The following ZNF740 variants were observed in gnomAD, a reference collection of about 807,000 sequenced individuals.
The protein encoded by ZNF740 is zinc finger protein 740.
In ZNF740, 14 loss-of-function variants were observed where a neutral mutation model predicts 24.8. That is an observed-to-expected ratio of 0.56 (90% CI 0.37 to 0.88). The LOEUF is 0.88. ZNF740 is among the 40% of genes least tolerant of loss of function. ZNF740 has a pLI of 0.00. For missense variants in ZNF740, 201 were observed against 247.9 expected, an observed-to-expected ratio of 0.81 and a Z score of 1.27; for synonymous variants, 69 against 84.0, an observed-to-expected ratio of 0.82 and a Z score of 0.98.
Position 53,193,947 on chromosome 12 carries a change from CACAT to C in ZNF740, c.*6360_*6363del. On this transcript the variant is annotated 3_prime_UTR_variant, in exon 7 of 7. Coordinates refer to ENST00000416904, the MANE Select transcript of ZNF740 (RefSeq NM_001004304.4). The stretch of plus-strand genomic sequence containing the variant: ...GGCCATGGTTATACACATGCACACA[CACAT>C]ACCCCAAACTCACCAATCATCCAGA... 6.5e-7 allele frequency: 1 copy of C among 1,536,674 alleles called. No individual in the cohort carries two copies.
At position 53,191,871 on chromosome 12, in the gene ZNF740, G is replaced by C. The variant is rs375660496; in HGVS notation, c.*4281G>C. Reference sequence around the variant, plus strand: ...GAAGTCTCCTCACCTGCTTCCAGTTGAGTTGTTGCTGCTCCTTCTCAAAGC... The same window carrying C: ...GAAGTCTCCTCACCTGCTTCCAGTTCAGTTGTTGCTGCTCCTTCTCAAAGC... On this transcript the variant is annotated 3_prime_UTR_variant, in exon 7 of 7. Transcript: ENST00000416904. The C allele has an allele frequency of 6.2e-5, 100 of 1,613,420 alleles. 1 individual carries two copies. The South Asian group carries it at 8.1e-4, about 13-fold the overall frequency.
rs757773026 is a variant in ZNF740 at position 53,191,888 on chromosome 12, TCTC to T, written c.*4299_*4301del. The T allele has an allele frequency of 1.2e-6, 2 of 1,612,266 alleles. No homozygotes were observed. On this transcript the variant is annotated 3_prime_UTR_variant, in exon 7 of 7. Coordinates refer to ENST00000416904, the MANE Select transcript of ZNF740 (RefSeq NM_001004304.4). ...TTCCAGTTGAGTTGTTGCTGCTCCT[TCTC>T]AAAGCGACTGTATTCCCGGCGGTCA...
rs934167954 is a variant in ZNF740, at chr12:53,190,838, A to C, written c.*3248A>C. 3 of 152,266 alleles carry C rather than the reference A, an allele frequency of 2.0e-5. No individual in the cohort carries two copies. The highest frequency in any genetic ancestry group is 7.3e-5 in the African/African-American group (3 of 41,370). The allele number at this position is 152,266 out of a possible 1,614,324, so 9.4% of individuals were successfully genotyped here. ...CTTCGTGATATATTTAGGATATTTA[A>C]ATAAAAGGAAAATGGGGCTTTTCTA... On this transcript the variant is annotated 3_prime_UTR_variant, in exon 7 of 7. Transcript: ENST00000416904.
At position 53,192,753 on chromosome 12, in the gene ZNF740, G is replaced by A. The variant is rs141826130; in HGVS notation, c.*5163G>A. The stretch of plus-strand genomic sequence containing the variant: ...GGTCGCATAGAGCACCATAGTAGCC[G>A]TCCAAGCACTGGCAGCGGTTGCATT... On this transcript the variant is annotated 3_prime_UTR_variant, in exon 7 of 7. Coordinates refer to ENST00000416904, the MANE Select transcript of ZNF740 (RefSeq NM_001004304.4). 16 of 1,614,234 alleles carry A rather than the reference G, an allele frequency of 9.9e-6. No homozygotes were observed. The highest frequency in any genetic ancestry group is 1.6e-4 in the Middle Eastern group (1 of 6,062).
chr12:53,186,307 A>T, intron 5 of ZNF740, 84 bp from the exon 6 acceptor site: 1 of 1,315,682 alleles, frequency 7.6e-7, no homozygotes, highest in Non-Finnish European at 1.1e-6. Flanking sequence ...CACATTACTA[A>T]GAGTTAAAGT....
intron 2 of ZNF740, among the ~76,000 whole-genome samples, chr12:53,184,207 C>T (rs1017606875): frequency 1.6e-4 from 21 of 127,408 alleles, no homozygotes; most frequent in African/African-American, 5.4e-4. Context: ...GTGTGAGTGA[C>T]GGAGGGATTC....
In ZNF740 at chr12:53,188,004, A is replaced by T. The variant is rs1565693101; in HGVS notation, c.*414A>T. On this transcript the variant is annotated 3_prime_UTR_variant, in exon 7 of 7. Transcript: ENST00000416904. The stretch of plus-strand genomic sequence containing the variant: ...TATCCAAAAGCAACTTCAGCGGGTA[A>T]ACTGTGGATACAGGTAATCCAGAGG... 5.0e-6 allele frequency: 1 copy of T among 201,820 alleles called. No homozygotes were observed. The highest frequency in any genetic ancestry group is 1.0e-5 in the Non-Finnish European group (1 of 96,978). 12.5% of individuals were successfully genotyped at this position (201,820 alleles called of 1,614,324 possible).
At position 53,181,547 on chromosome 12, in the gene ZNF740, A is replaced by G. The variant is rs78413789; in HGVS notation, c.-307-130A>G. 273 of 961,438 alleles carry G rather than the reference A, an allele frequency of 2.8e-4. 1 individual carries two copies. In the African/African-American group the frequency reaches 4.6e-3, roughly 16 times the overall value. The allele number at this position is 961,438 out of a possible 1,614,324, so 59.6% of individuals were successfully genotyped here. Reference sequence around the variant, plus strand: ...TTCCTCCTATTGACCTAGAAAGAAAACTCTTCTTGACTCATGTCCTCGTTC... The same window carrying G: ...TTCCTCCTATTGACCTAGAAAGAAAGCTCTTCTTGACTCATGTCCTCGTTC... On this transcript the variant is annotated intron_variant, in intron 1 of 6. Transcript: ENST00000416904.
rs1413384266 is a variant in ZNF740, at chr12:53,192,994, A to G, written c.*5404A>G. 4 of 1,436,798 alleles carry G rather than the reference A, an allele frequency of 2.8e-6. No individual in the cohort carries two copies. Among genetic ancestry groups the G allele is most frequent in the East Asian group, 4.8e-5 (2 of 41,916 alleles). The allele number at this position is 1,436,798 out of a possible 1,614,324, so 89.0% of individuals were successfully genotyped here. On this transcript the variant is annotated 3_prime_UTR_variant, in exon 7 of 7. Transcript: ENST00000416904. ...TGTGGCACGACAAGCCCACGCATCCAATCTTTTTGAAGTATGCCAACCACA... is the reference window on the plus strand; with the variant it reads ...TGTGGCACGACAAGCCCACGCATCCGATCTTTTTGAAGTATGCCAACCACA...
At chr12:53,182,425 G>C (rs73309153) in intron 2 of ZNF740, among the ~76,000 whole-genome samples, 2,996 of 152,274 alleles carry the variant, frequency 0.02, 97 homozygotes, top group African/African-American at 0.068. Context: ...CAGGCTAGTT[G>C]GGGTCGGGAG....
chr12:53,184,114 G>GGGTGTGTGTGTGTGTGT (rs1555175868), intron 2 of ZNF740, among the ~76,000 whole-genome samples: 2 of 123,508 alleles, frequency 1.6e-5, no homozygotes, highest in East Asian at 5.1e-4. Context: ...GAAGCTAAGG[G>GGGTGTGTGTGTGTGTGT]GTGTGTGTGT....
Position 53,191,836 on chromosome 12 carries a change from G to A in ZNF740, c.*4246G>A, listed in dbSNP as rs1455658702. ...GTGGTGGGGGAACAGCTAAAAAGGG[G>A]CCTAACCAGGAAGTCTCCTCACCTG... On this transcript the variant is annotated 3_prime_UTR_variant, in exon 7 of 7. Transcript: ENST00000416904. The A allele has an allele frequency of 2.5e-6, 4 of 1,613,306 alleles. No homozygotes were observed. The East Asian group carries it at 8.9e-5, about 36-fold the overall frequency.
rs369358649 is a variant in ZNF740 at position 53,193,324 on chromosome 12, A to C, written c.*5734A>C. 1 of 1,606,690 alleles carries C rather than the reference A, an allele frequency of 6.2e-7. No homozygotes were observed. The highest frequency in any genetic ancestry group is 8.5e-7 in the Non-Finnish European group (1 of 1,174,632). On this transcript the variant is annotated 3_prime_UTR_variant, in exon 7 of 7. Transcript: ENST00000416904. ...GGTCTGGGGAGGACAGCTCTGCCAC[A>C]GAGCACTCACAGAGCCGACCTAGGC...
chr12:53,185,903 C>G, intron 4 of ZNF740, 51 bp from the exon 5 acceptor site: 2 of 1,602,254 alleles, frequency 1.2e-6, no homozygotes, highest in Non-Finnish European at 1.7e-6. Flanking sequence ...AACAGTGTCT[C>G]CAGGAAGAGG....
At position 53,192,234 on chromosome 12, in the gene ZNF740, C is replaced by T. The variant is rs748258005; in HGVS notation, c.*4644C>T. 2 of 1,362,542 alleles carry T rather than the reference C, an allele frequency of 1.5e-6. No individual in the cohort carries two copies. The highest frequency in any genetic ancestry group is 1.8e-5 in the Admixed American group (1 of 55,124). The allele number at this position is 1,362,542 out of a possible 1,614,324, so 84.4% of individuals were successfully genotyped here. A position where few individuals can be genotyped will look rare whatever the true frequency, so the allele number is the denominator to read the frequency against. ...TCCTGGATTCACAGTTCTGCTTCAG[C>T]CCCCAGCCTGTTTCCCATTATCTTC... On this transcript the variant is annotated 3_prime_UTR_variant, in exon 7 of 7. Transcript: ENST00000416904.
At chr12:53,184,148 T>TGC (rs1191495650) in intron 2 of ZNF740, among the ~76,000 whole-genome samples, 111 of 100,396 alleles carry the variant, frequency 1.1e-3, no homozygotes, top group Middle Eastern at 5.8e-3. Flanking sequence ...TGTGTGTGTG[T>TGC]GTGCGCGCGC....
Position 53,185,429 on chromosome 12 carries a change from G to T in ZNF740, c.202G>T (p.Asp68Tyr). 5 of 1,614,020 alleles carry T rather than the reference G, an allele frequency of 3.1e-6. No homozygotes were observed. The highest frequency in any genetic ancestry group is 4.2e-6 in the Non-Finnish European group (5 of 1,179,896). ...DSDKSRSRKD[D>Y]DSLSEASHSK... The stretch of plus-strand genomic sequence containing the variant: ...TGATAAGTCCCGGAGCCGCAAAGAT[G>T]ATGACAGCTTGTCTGAGGCCTCTCA... Residue 68 changes from aspartate (D) to tyrosine (Y), a missense_variant, in exon 4 of 7, where the codon GAT becomes TAT. Coordinates refer to ENST00000416904, the MANE Select transcript of ZNF740 (RefSeq NM_001004304.4).
intron 2 of ZNF740, among the ~76,000 whole-genome samples, chr12:53,183,073 T>G (rs1435717359): frequency 3.3e-5 from 5 of 152,204 alleles, no homozygotes; most frequent in Non-Finnish European, 4.4e-5. Flanking sequence ...TCCAGCTGCT[T>G]CTGAATGCAC....
At position 53,192,264 on chromosome 12, in the gene ZNF740, T is replaced by G. The variant is rs1441981813; in HGVS notation, c.*4674T>G. On this transcript the variant is annotated 3_prime_UTR_variant, in exon 7 of 7. Coordinates refer to ENST00000416904, the MANE Select transcript of ZNF740 (RefSeq NM_001004304.4). Reference sequence around the variant, plus strand: ...AGCCTGTTTCCCATTATCTTCACTCTGCATCCCCAGAGTTGAGACCCTGCC... The same window carrying G: ...AGCCTGTTTCCCATTATCTTCACTCGGCATCCCCAGAGTTGAGACCCTGCC... The G allele has an allele frequency of 2.0e-6, 3 of 1,516,156 alleles. No individual in the cohort carries two copies. Among genetic ancestry groups the G allele is most frequent in the Non-Finnish European group, 2.7e-6 (3 of 1,095,952 alleles). The allele number at this position is 1,516,156 out of a possible 1,614,324, so 93.9% of individuals were successfully genotyped here.
Sources: allele counts gnomAD v4.1 joint callset (sites outside exome capture counted in the v4.1 genomes callset), GRCh38; gene constraint gnomAD v4.1.1; transcripts MANE v1.5; gene names NCBI Gene and HGNC (gene_info 2026-07-23, HGNC 2026-07-21).